The following NUP85 variants were observed in gnomAD, a reference collection of about 807,000 sequenced individuals.
NUP85 encodes nucleoporin 85.
NUP85 carries 23 observed loss-of-function variants against 92.8 expected under a neutral mutation model. The observed-to-expected ratio is 0.25, with a 90% CI of 0.18 to 0.35. The LOEUF is 0.35. NUP85 is among the 10% of genes least tolerant of loss of function. NUP85 has a pLI of 1.00. For synonymous variants in NUP85, 314 were observed against 306.9 expected, an observed-to-expected ratio of 1.02 and a Z score of -0.24; for missense variants, 759 against 822.8, an observed-to-expected ratio of 0.92 and a Z score of 0.95.
At chr17:75,211,063 C>T (rs1235275659) in intron 3 of NUP85, among the ~76,000 whole-genome samples, 4 of 135,826 alleles carry the variant, frequency 2.9e-5, no homozygotes, top group South Asian at 4.8e-4. Context: ...AGTGCAGTGG[C>T]GCAATCTTGG....
At chr17:75,224,963 C>A in intron 7 of NUP85, 140 bp from the exon 8 acceptor site, 2 of 752,564 alleles carry the variant, frequency 2.7e-6, no homozygotes, top group South Asian at 2.2e-5. Context: ...ATCATTCTTC[C>A]CAGGGCAGAC....
At chr17:75,225,656 C>T in intron 9 of NUP85, 42 bp from the exon 10 acceptor site, 1 of 1,610,884 alleles carries the variant, frequency 6.2e-7, no homozygotes, top group Non-Finnish European at 8.5e-7. Context: ...AGAAGGTACC[C>T]CTGAGAGGAG....
chr17:75,205,779 C>G lies in NUP85; in HGVS notation c.18C>G (p.Gly6=). Reference sequence around the variant, plus strand: ...TCGGCGCTATGGAGGAGCTCGATGGCGAGCCAACAGTCACTGTAAGGGTAC... The same window carrying G: ...TCGGCGCTATGGAGGAGCTCGATGGGGAGCCAACAGTCACTGTAAGGGTAC... MEELD[G]EPTVTLIPGV... is the part of the protein sequence containing the mutation. Residue 6 remains glycine (G), a synonymous_variant, in exon 1 of 19, where the codon GGC becomes GGG. Transcript: ENST00000245544. 6.2e-7 allele frequency: 1 copy of G among 1,614,156 alleles called. No individual in the cohort carries two copies. The highest frequency in any genetic ancestry group is 8.5e-7 in the Non-Finnish European group (1 of 1,180,002).
At chr17:75,230,096 T>G (rs1210320122) in intron 11 of NUP85, among the ~76,000 whole-genome samples, 2 of 148,614 alleles carry the variant, frequency 1.3e-5, no homozygotes, top group Non-Finnish European at 3.0e-5. Flanking sequence ...CAGGCTGGAG[T>G]GCAGTGGCAC....
intron 11 of NUP85, among the ~76,000 whole-genome samples, chr17:75,227,542 G>A (rs1466694204): frequency 1.3e-5 from 2 of 151,968 alleles, no homozygotes; most frequent in African/African-American, 2.4e-5. Flanking sequence ...TCACCATGTT[G>A]CCTAGGCAGG....
chr17:75,226,867 C>T (rs532451154), intron 11 of NUP85: 10 of 363,472 alleles, frequency 2.8e-5, no homozygotes, highest in South Asian at 2.1e-4. Context: ...CCAAGAGTCT[C>T]ACTCCAGTGA....
Position 75,225,172 on chromosome 17 carries a change from A to G in NUP85, c.667A>G (p.Ser223Gly), listed in dbSNP as rs781036459. ...RQMLSKEADA[S>G]PASAGICRIM... ...GATGCTCTCCAAGGAAGCCGATGCC[A>G]GCCCCGCCTCTGCAGGCATATGCCG... The change falls in exon 8 of 19, where the codon AGC (serine) becomes GGC (glycine). Residue 223 changes from serine (S) to glycine (G), a missense_variant. Coordinates refer to ENST00000245544, the MANE Select transcript of NUP85 (RefSeq NM_024844.5). 13 of 1,606,764 alleles carry G rather than the reference A, an allele frequency of 8.1e-6. 1 individual carries two copies. In the South Asian group the frequency reaches 1.2e-4, roughly 15 times the overall value.
At chr17:75,225,638 C>G in intron 9 of NUP85, 60 bp from the exon 10 acceptor site, 1 of 1,603,352 alleles carries the variant, frequency 6.2e-7, no homozygotes, top group Non-Finnish European at 8.5e-7. Context: ...AGAGCAGGAG[C>G]ATTATGGAGA....
intron 14 of NUP85, among the ~76,000 whole-genome samples, chr17:75,232,502 T>C (rs2076105703): frequency 6.6e-6 from 1 of 152,056 alleles, no homozygotes; most frequent in Non-Finnish European, 1.5e-5. Context: ...CACAGGAAGA[T>C]GTGATTTGAG....
intron 11 of NUP85, among the ~76,000 whole-genome samples, chr17:75,227,689 G>A (rs2145372680): frequency 6.6e-6 from 1 of 151,932 alleles, no homozygotes; most frequent in Middle Eastern, 3.4e-3. Flanking sequence ...CCGGGCTGGA[G>A]TGCAGTGGAG....
intron 2 of NUP85, among the ~76,000 whole-genome samples, chr17:75,209,445 CTTTT>C (rs71159453): frequency 1.7e-4 from 18 of 106,418 alleles, no homozygotes; most frequent in Admixed American, 2.0e-4. Context: ...GATTTGCTTT[CTTTT>C]TTTTTTTTTT....
chr17:75,223,406 G>T (rs2075654894), intron 7 of NUP85, among the ~76,000 whole-genome samples: 1 of 152,120 alleles, frequency 6.6e-6, no homozygotes, highest in Admixed American at 6.6e-5. Context: ...TGTTATTTTT[G>T]AGATGGAGTC....
chr17:75,217,629 C>T (rs538095214), intron 6 of NUP85, among the ~76,000 whole-genome samples: 1 of 152,098 alleles, frequency 6.6e-6, no homozygotes, highest in South Asian at 2.1e-4. Flanking sequence ...GCCTTAGCCA[C>T]CTGAGTAGCT....
chr17:75,224,849 G>C (rs1173732634), intron 7 of NUP85, among the ~76,000 whole-genome samples: 1 of 149,884 alleles, frequency 6.7e-6, no homozygotes, highest in African/African-American at 2.5e-5. Context: ...AAAAAAAGGT[G>C]GTCACAGGCT....
At chr17:75,232,495 A>G (rs1252737143) in intron 14 of NUP85, among the ~76,000 whole-genome samples, 1 of 152,210 alleles carries the variant, frequency 6.6e-6, no homozygotes, top group Non-Finnish European at 1.5e-5. Flanking sequence ...CACGATCCAC[A>G]GGAAGATGTG....
chr17:75,226,487 C>G (rs999969448), intron 11 of NUP85, among the ~76,000 whole-genome samples: 5 of 152,108 alleles, frequency 3.3e-5, no homozygotes, highest in African/African-American at 1.2e-4. Context: ...TTCATCAAGT[C>G]GCTTTATAAG....
intron 6 of NUP85, among the ~76,000 whole-genome samples, chr17:75,217,257 G>A (rs747944909): frequency 6.6e-6 from 1 of 150,748 alleles, no homozygotes; most frequent in East Asian, 2.0e-4. Context: ...AGGAAATTTC[G>A]CTATGTTGCC....
chr17:75,226,869 C>A (rs865944397), intron 11 of NUP85: 1 of 348,564 alleles, frequency 2.9e-6, no homozygotes. Context: ...AAGAGTCTCA[C>A]TCCAGTGACG....
chr17:75,216,073 T>C (rs956399845), intron 6 of NUP85, among the ~76,000 whole-genome samples: 6 of 151,842 alleles, frequency 4.0e-5, no homozygotes, highest in African/African-American at 1.5e-4. Flanking sequence ...ATTAAACTAG[T>C]GTGTGAAAGG....
Sources: gnomAD v4.1 joint callset for allele counts (sites outside exome capture counted in the v4.1 genomes callset) on GRCh38, gnomAD v4.1.1 for gene constraint, MANE v1.5 for transcripts, NCBI Gene and HGNC (gene_info 2026-07-23, HGNC 2026-07-21) for gene names.